The following ANKRD44 variants were observed in gnomAD, a reference collection of about 807,000 sequenced individuals.
ANKRD44 encodes the protein serine/threonine-protein phosphatase 6 regulatory ankyrin repeat subunit B.
A neutral mutation model predicts 116.0 loss-of-function variants in ANKRD44; 35 were observed. The ratio of observed to expected loss-of-function variants is 0.30; its 90% CI spans 0.23 to 0.40. The LOEUF is 0.40. ANKRD44 is among the 10% of genes least tolerant of loss of function. The pLI is 1.00. For synonymous variants in ANKRD44, 435 were observed against 461.8 expected, an observed-to-expected ratio of 0.94 and a Z score of 0.74; for missense variants, 1,014 against 1,242.6, an observed-to-expected ratio of 0.82 and a Z score of 2.77.
At chr2:197,156,817 G>A (rs1041487213) in intron 2 of ANKRD44, among the ~76,000 whole-genome samples, 30 of 152,142 alleles carry the variant, frequency 2.0e-4, no homozygotes, top group African/African-American at 7.0e-4. Context: ...CAAAATAATT[G>A]TGTGAGTGAA....
intron 16 of ANKRD44, among the ~76,000 whole-genome samples, chr2:197,026,063 A>C (rs2076589252): frequency 2.7e-5 from 4 of 150,396 alleles, no homozygotes; most frequent in Non-Finnish European, 5.9e-5. Flanking sequence ...AAAAAAAAAC[A>C]CCTTTCTGGG....
At chr2:197,281,571 A>G (rs1379589253) in intron 1 of ANKRD44, among the ~76,000 whole-genome samples, 2 of 152,196 alleles carry the variant, frequency 1.3e-5, no homozygotes, top group African/African-American at 4.8e-5. Flanking sequence ...AATTTACAAA[A>G]TCAGCAACAG....
chr2:197,060,001 T>C (rs1559029316), intron 16 of ANKRD44, among the ~76,000 whole-genome samples: 1 of 152,234 alleles, frequency 6.6e-6, no homozygotes, highest in Non-Finnish European at 1.5e-5. Flanking sequence ...AAACACATTA[T>C]GCTGATGAGT....
chr2:196,994,241 G>T (rs1170066964), intron 26 of ANKRD44, among the ~76,000 whole-genome samples: 2 of 152,002 alleles, frequency 1.3e-5, no homozygotes, highest in African/African-American at 4.8e-5. Flanking sequence ...GGAGTGCAGT[G>T]GCACGATCAC....
chr2:197,310,724 C>T lies in ANKRD44; in HGVS notation c.-120G>A. On this transcript the variant is annotated 5_prime_UTR_variant, in exon 1 of 28. Coordinates refer to ENST00000282272, the MANE Select transcript of ANKRD44 (RefSeq NM_001195144.2). ...GAAAAAATCTGGCTCCCGAATTTGA[C>T]AGCCCTCCCCCTGCTCCTCCTCCGC... 1 of 1,086,266 alleles carries T rather than the reference C, an allele frequency of 9.2e-7. No homozygotes were observed. The highest frequency in any genetic ancestry group is 1.2e-6 in the Non-Finnish European group (1 of 836,204). 67.3% of individuals were successfully genotyped at this position (1,086,266 alleles called of 1,614,324 possible).
intron 21 of ANKRD44, among the ~76,000 whole-genome samples, chr2:196,980,153 C>G (rs973749866): frequency 6.6e-6 from 1 of 152,128 alleles, no homozygotes; most frequent in African/African-American, 2.4e-5. Flanking sequence ...AATGCAAGCA[C>G]CCAGATGGCA....
intron 21 of ANKRD44, among the ~76,000 whole-genome samples, chr2:196,969,937 CT>C (rs2075703749): frequency 6.6e-6 from 1 of 152,086 alleles, no homozygotes; most frequent in African/African-American, 2.4e-5. Context: ...CTGAACTTAG[CT>C]TAAAGGTTTC....
chr2:197,074,631 C>T (rs1469934389), intron 16 of ANKRD44, among the ~76,000 whole-genome samples: 3 of 152,064 alleles, frequency 2.0e-5, no homozygotes, highest in Non-Finnish European at 4.4e-5. Context: ...ATCACATCAC[C>T]ATACCTGGCT....
intron 13 of ANKRD44, among the ~76,000 whole-genome samples, chr2:197,084,470 C>T (rs2077873563): frequency 6.6e-6 from 1 of 152,170 alleles, no homozygotes; most frequent in African/African-American, 2.4e-5. Context: ...TCATCCTCCC[C>T]ACTGAACTGC....
At chr2:197,202,683 C>T (rs540758907) in intron 1 of ANKRD44, among the ~76,000 whole-genome samples, 7 of 152,234 alleles carry the variant, frequency 4.6e-5, no homozygotes, top group Non-Finnish European at 8.8e-5. Flanking sequence ...AGGTGAGCCT[C>T]CCCCATCAGC....
Position 197,310,661 on chromosome 2 carries a change from CG to C in ANKRD44, c.-58del. 2 of 1,319,634 alleles carry C rather than the reference CG, an allele frequency of 1.5e-6. No individual in the cohort carries two copies. The highest frequency in any genetic ancestry group is 1.5e-5 in the South Asian group (1 of 67,232). The allele number at this position is 1,319,634 out of a possible 1,614,324, so 81.7% of individuals were successfully genotyped here. A position where few individuals can be genotyped will look rare whatever the true frequency, so the allele number is the denominator to read the frequency against. On this transcript the variant is annotated 5_prime_UTR_variant, in exon 1 of 28. Transcript: ENST00000282272. ...GGTCCCCGGCCCGCAGATGTCACGC[CG>C]GGAGCCGGGGAAGCGGAAGGGATTG...
chr2:197,297,917 T>TA (rs2083771967), intron 1 of ANKRD44, among the ~76,000 whole-genome samples: 1 of 152,196 alleles, frequency 6.6e-6, no homozygotes, highest in African/African-American at 2.4e-5. Flanking sequence ...ACAAAACCCT[T>TA]AGTCACATGG....
chr2:197,049,729 G>A (rs1254430242), intron 16 of ANKRD44, among the ~76,000 whole-genome samples: 3 of 151,932 alleles, frequency 2.0e-5, no homozygotes, highest in Non-Finnish European at 2.9e-5. Context: ...TGACCCTCCA[G>A]TCTCAGCCTC....
At position 196,988,794 on chromosome 2, in the gene ANKRD44, T is replaced by G. The variant is rs1450486977; in HGVS notation, c.*797A>C. On this transcript the variant is annotated 3_prime_UTR_variant, in exon 28 of 28. Transcript: ENST00000282272. ...TTGAGCTGGTGATTTTTATTTCTCC[T>G]TTTGGCACATGTGCCCACACACTGC... The G allele has an allele frequency of 1.0e-6, 1 of 985,360 alleles. No individual in the cohort carries two copies. 61.0% of individuals were successfully genotyped at this position (985,360 alleles called of 1,614,324 possible). A position where few individuals can be genotyped will look rare whatever the true frequency, so the allele number is the denominator to read the frequency against.
intron 16 of ANKRD44, among the ~76,000 whole-genome samples, chr2:197,068,200 G>A (rs1027477843): frequency 8.3e-5 from 9 of 108,178 alleles, no homozygotes; most frequent in Admixed American, 5.8e-4. Context: ...ATCACACTCT[G>A]GGGACTGTGG....
chr2:197,226,528 G>A (rs916447003), intron 1 of ANKRD44, among the ~76,000 whole-genome samples: 1 of 152,146 alleles, frequency 6.6e-6, no homozygotes, highest in Non-Finnish European at 1.5e-5. Context: ...GCCAGGTGTG[G>A]TGGTGCACGC....
At chr2:197,081,792 T>C (rs574613122) in intron 14 of ANKRD44, 67 bp from the exon 15 acceptor site, 2 of 1,298,008 alleles carry the variant, frequency 1.5e-6, no homozygotes, top group Non-Finnish European at 2.2e-6. Flanking sequence ...CTGTTAATGG[T>C]TTTGGTGCAA....
rs149744022 is a variant in ANKRD44, at chr2:197,210,616, C to T, written c.28-23510G>A. Among the ~76,000 whole-genome samples the T allele has an allele frequency of 1.9e-3, 296 of 152,330 alleles. 2 individuals carry two copies. The highest frequency in any genetic ancestry group is 6.8e-3 in the African/African-American group (283 of 41,576). ...CTTCTTCCAGAGATTAGGAAGGAAG[C>T]AAATTGTCCTCATGCAAGGCAGGCC... On this transcript the variant is annotated intron_variant, in intron 1 of 27. Coordinates refer to ENST00000282272, the MANE Select transcript of ANKRD44 (RefSeq NM_001195144.2).
At chr2:197,060,437 A>C (rs1225850962) in intron 16 of ANKRD44, among the ~76,000 whole-genome samples, 1 of 152,210 alleles carries the variant, frequency 6.6e-6, no homozygotes, top group East Asian at 1.9e-4. Context: ...TAAGGTGTAC[A>C]ATGTGAGGCT....
Sources: allele counts gnomAD v4.1 joint callset (sites outside exome capture counted in the v4.1 genomes callset), GRCh38; gene constraint gnomAD v4.1.1; transcripts MANE v1.5; gene names NCBI Gene and HGNC (gene_info 2026-07-23, HGNC 2026-07-21).